DPP6: variants seen among roughly 807,000 people sequenced by gnomAD.
DPP6 encodes dipeptidyl peptidase like 6.
In DPP6, 69 loss-of-function variants were observed where a neutral mutation model predicts 122.6. The ratio of observed to expected loss-of-function variants is 0.56; its 90% CI spans 0.46 to 0.69. The LOEUF (loss-of-function observed/expected upper bound fraction) is 0.69, where lower values mean the gene tolerates loss of function less well. DPP6 is among the 30% of genes least tolerant of loss of function. The pLI is 0.00. For missense variants in DPP6, 928 were observed against 1,116.9 expected (o/e 0.83, Z 2.41); for synonymous variants, 418 against 433.1 (o/e 0.97, Z 0.43).
chr7:154,536,257 C>T (rs1226861732), intron 3 of DPP6, among the ~76,000 whole-genome samples: 2 of 152,044 alleles, frequency 1.3e-5, no homozygotes, highest in Non-Finnish European at 2.9e-5. Flanking sequence ...TACATAATGA[C>T]AAAACAGAGC....
At chr7:153,817,536 T>A in the DPP6 span, among the ~76,000 whole-genome samples, 1 of 151,896 alleles carries the variant, frequency 6.6e-6, no homozygotes, top group South Asian at 2.1e-4. Flanking sequence ...AGTCACTGTA[T>A]TGCATTTAAA....
intron 8 of DPP6, among the ~76,000 whole-genome samples, chr7:154,750,278 T>A (rs1275110676): frequency 2.6e-5 from 4 of 151,604 alleles, no homozygotes; most frequent in Non-Finnish European, 4.4e-5. Flanking sequence ...GAAGCGGGAG[T>A]CGCAGCCTAT....
chr7:154,431,015 C>G (rs1052943649), intron 1 of DPP6, among the ~76,000 whole-genome samples: 1 of 152,156 alleles, frequency 6.6e-6, no homozygotes, highest in South Asian at 2.1e-4. Flanking sequence ...GCTCACGGCG[C>G]TTACTTTGAT....
rs575154365 is a variant in DPP6 at position 154,869,560 on chromosome 7, A to AGGCAAG, written c.1813+1474_1813+1479dup. 3.5e-3 allele frequency among the ~76,000 whole-genome samples: 538 copies of AGGCAAG among 152,292 alleles called. 3 individuals carry two copies. Among genetic ancestry groups the AGGCAAG allele is most frequent in the Admixed American group, 8.5e-3 (130 of 15,306 alleles). The stretch of plus-strand genomic sequence containing the variant: ...AGAAGAGGGCAACGTGAGGGGTCTT[A>AGGCAAG]GGCAAGGGCAAGTGCAGTGCAGTGT... On this transcript the variant is annotated intron_variant, in intron 18 of 25. Transcript: ENST00000377770.
the DPP6 span, among the ~76,000 whole-genome samples, chr7:153,823,799 A>T: frequency 6.6e-6 from 1 of 152,092 alleles, no homozygotes; most frequent in Non-Finnish European, 1.5e-5. Context: ...GTTTGCAAAA[A>T]GCCAACTAAA....
At chr7:154,060,637 AG>A (rs1801658363) in intron 1 of DPP6, among the ~76,000 whole-genome samples, 3 of 125,000 alleles carry the variant, frequency 2.4e-5, no homozygotes, top group African/African-American at 3.1e-5. Flanking sequence ...CCATCGCAGG[AG>A]GGGGAGGCAC....
rs1480150477 is a variant in DPP6 at position 154,078,652 on chromosome 7, G to T, written c.243+25589G>T. Among the ~76,000 whole-genome samples the T allele has an allele frequency of 2.0e-5, 3 of 152,204 alleles. No homozygotes were observed. The East Asian group carries it at 5.8e-4, about 29-fold the overall frequency. On this transcript the variant is annotated intron_variant, in intron 1 of 25. Transcript: ENST00000377770. ...ATTAAGACTATTTGGAGGCTAGAAA[G>T]ATTTGGGGATTTTTTTTGTTGTTGT...
chr7:154,843,484 A>G (rs1400384570), intron 16 of DPP6, among the ~76,000 whole-genome samples: 4 of 152,168 alleles, frequency 2.6e-5, no homozygotes, highest in Admixed American at 6.5e-5. Context: ...ACAGGCAGAC[A>G]CCATCTGCTT....
chr7:154,169,132 C>T (rs1797406863), intron 1 of DPP6, among the ~76,000 whole-genome samples: 1 of 152,136 alleles, frequency 6.6e-6, no homozygotes, highest in Admixed American at 6.6e-5. Context: ...AGGAGACAAT[C>T]AGTTGCTATT....
At chr7:153,910,002 C>T (rs1800011688) in intron 1 of DPP6, among the ~76,000 whole-genome samples, 1 of 152,204 alleles carries the variant, frequency 6.6e-6, no homozygotes, top group Admixed American at 6.5e-5. Flanking sequence ...CATCCACCCT[C>T]TCTCTCCTAT....
chr7:154,672,512 G>A (rs1838630897), intron 7 of DPP6, among the ~76,000 whole-genome samples: 1 of 152,212 alleles, frequency 6.6e-6, no homozygotes, highest in South Asian at 2.1e-4. Flanking sequence ...GAATTGGATG[G>A]TGGCAAATAG....
intron 3 of DPP6, among the ~76,000 whole-genome samples, chr7:154,516,382 TGAG>T (rs1364687728): frequency 6.6e-6 from 1 of 152,116 alleles, no homozygotes; most frequent in Non-Finnish European, 1.5e-5. Flanking sequence ...AGGAAGGCGC[TGAG>T]GAACCGTGCT....
chr7:153,893,251 C>T (rs1185018377), intron 1 of DPP6, among the ~76,000 whole-genome samples: 1 of 152,196 alleles, frequency 6.6e-6, no homozygotes, highest in East Asian at 1.9e-4. Flanking sequence ...TTCCCTGTTG[C>T]ACAGCCATCA....
At chr7:153,798,424 C>G in the DPP6 span, among the ~76,000 whole-genome samples, 5 of 152,202 alleles carry the variant, frequency 3.3e-5, no homozygotes, top group African/African-American at 1.2e-4. Flanking sequence ...GCCCAGTCCT[C>G]AGGCACATGC....
chr7:154,027,541 C>T (rs911734725), intron 1 of DPP6, among the ~76,000 whole-genome samples: 6 of 152,118 alleles, frequency 3.9e-5, no homozygotes, highest in African/African-American at 1.4e-4. Flanking sequence ...GCTTTATTCT[C>T]ACCACCTAAT....
chr7:154,721,520 C>A (rs1437108565), intron 7 of DPP6, among the ~76,000 whole-genome samples: 1 of 152,082 alleles, frequency 6.6e-6, no homozygotes, highest in East Asian at 1.9e-4. Context: ...CATCAAAGAC[C>A]TAAATATAAG....
chr7:154,194,900 A>C (rs1466466612), intron 1 of DPP6, among the ~76,000 whole-genome samples: 3 of 152,224 alleles, frequency 2.0e-5, no homozygotes, highest in African/African-American at 7.2e-5. Context: ...CCTTTGACAA[A>C]TATATCGTTG....
At chr7:153,892,727 G>C (rs190070455) in intron 1 of DPP6, among the ~76,000 whole-genome samples, 1 of 152,068 alleles carries the variant, frequency 6.6e-6, no homozygotes, top group Non-Finnish European at 1.5e-5. Context: ...AAAATGCTTG[G>C]TGCTGGTTCT....
chr7:154,306,239 G>A (rs1806335228), intron 1 of DPP6, among the ~76,000 whole-genome samples: 1 of 152,206 alleles, frequency 6.6e-6, no homozygotes, highest in Admixed American at 6.5e-5. Context: ...GCCTTGTCCT[G>A]AGAAGACCAC....
Sources: allele counts gnomAD v4.1 joint callset (sites outside exome capture counted in the v4.1 genomes callset), GRCh38; gene constraint gnomAD v4.1.1; transcripts MANE v1.5; gene names NCBI Gene and HGNC (gene_info 2026-07-23, HGNC 2026-07-21).